MYRFL: variants seen among roughly 807,000 people sequenced by gnomAD.
MYRFL encodes the protein myelin regulatory factor-like protein.
In MYRFL, 88 loss-of-function variants were observed where a neutral mutation model predicts 109.4. The observed-to-expected ratio is 0.80, with a 90% CI of 0.68 to 0.96. The LOEUF (loss-of-function observed/expected upper bound fraction) is 0.96. Ranked by LOEUF, MYRFL falls within the 40% of genes least tolerant of loss-of-function variation. The probability of loss-of-function intolerance (pLI) is 0.00; values close to 1 mark genes in which losing one functional copy is unlikely to be tolerated. For synonymous variants in MYRFL, 324 were observed against 320.9 expected, an observed-to-expected ratio of 1.01 and a Z score of -0.10; for missense variants, 957 against 954.9, an observed-to-expected ratio of 1.00 and a Z score of -0.03.
At chr12:69,937,982 AT>A (rs140168041) in intron 19 of MYRFL, among the ~76,000 whole-genome samples, 17,544 of 151,738 alleles carry the variant, frequency 0.12, 1,259 homozygotes, top group Non-Finnish European at 0.16. Context: ...TATTATCCCA[AT>A]TTTTTTTTCC....
chr12:69,919,178 T>C lies in MYRFL; in HGVS notation c.1603-7393T>C, dbSNP rs1954832095. On this transcript the variant is annotated intron_variant, in intron 13 of 24. Transcript: ENST00000552032. ...TGAGGTGCCTGTGTCAGGTACTGAG[T>C]TGGCCCTGAGGAGTCACAAGAGAAA... Among the ~76,000 whole-genome samples the C allele has an allele frequency of 1.3e-5, 2 of 152,174 alleles. 1 individual carries two copies. The highest frequency in any genetic ancestry group is 1.3e-4 in the Admixed American group (2 of 15,264).
At chr12:69,956,739 A>C (rs1956106106) in intron 22 of MYRFL, among the ~76,000 whole-genome samples, 1 of 151,958 alleles carries the variant, frequency 6.6e-6, no homozygotes, top group African/African-American at 2.4e-5. Context: ...AACCAATGTC[A>C]CTCAACCCAA....
At chr12:69,952,697 C>T in intron 20 of MYRFL, 102 bp from the exon 21 acceptor site, 1 of 800,524 alleles carries the variant, frequency 1.2e-6, no homozygotes, top group Non-Finnish European at 1.9e-6. Flanking sequence ...ACCTGGGAAA[C>T]TCTTACTTCC....
chr12:69,947,900 A>C (rs566862590), intron 19 of MYRFL, among the ~76,000 whole-genome samples: 1 of 152,312 alleles, frequency 6.6e-6, no homozygotes, highest in Admixed American at 6.5e-5. Flanking sequence ...AAGTAGTGCA[A>C]TATACACCTT....
At chr12:69,827,079 C>T (rs1037150248) in intron 1 of MYRFL, among the ~76,000 whole-genome samples, 6 of 151,972 alleles carry the variant, frequency 3.9e-5, no homozygotes, top group African/African-American at 1.4e-4. Context: ...TGAGAAGAAC[C>T]AGTTGTTTCA....
chr12:69,826,398 T>G (rs1364125140), intron 1 of MYRFL, among the ~76,000 whole-genome samples: 2 of 152,136 alleles, frequency 1.3e-5, no homozygotes, highest in African/African-American at 4.8e-5. Flanking sequence ...TGTTATTGCC[T>G]GATTTTATAT....
chr12:69,890,862 C>A, intron 6 of MYRFL, 109 bp from the exon 7 acceptor site: 2 of 738,814 alleles, frequency 2.7e-6, no homozygotes, highest in South Asian at 5.9e-5. Context: ...TAGCAAAAGG[C>A]ACTTTTCACA....
chr12:69,911,938 G>A (rs962189857), intron 13 of MYRFL, among the ~76,000 whole-genome samples: 5 of 152,176 alleles, frequency 3.3e-5, no homozygotes, highest in African/African-American at 1.2e-4. Context: ...ATGGAGTGAG[G>A]CCAGAGATCC....
intron 2 of MYRFL, among the ~76,000 whole-genome samples, chr12:69,864,941 T>G (rs911111276): frequency 6.6e-6 from 1 of 152,226 alleles, no homozygotes; most frequent in African/African-American, 2.4e-5. Flanking sequence ...TTCCGCTGAT[T>G]CCACCTGGGT....
Position 69,866,151 on chromosome 12 carries a change from T to C in MYRFL, c.137+10781T>C, listed in dbSNP as rs148337205. Among the ~76,000 whole-genome samples, 102 of 152,226 alleles carry C rather than the reference T, an allele frequency of 6.7e-4. No individual in the cohort carries two copies. In the South Asian group the frequency reaches 1.0e-2, roughly 15 times the overall value. ...AATTGATATTTTAAAGGAATGTGAA[T>C]CTCAGGGAAATACATGAAATGTGTC... On this transcript the variant is annotated intron_variant, in intron 2 of 24. Coordinates refer to ENST00000552032, the MANE Select transcript of MYRFL (RefSeq NM_182530.3).
In MYRFL at chr12:69,855,272, C is replaced by T. The variant is rs1042521522; in HGVS notation, c.47-8C>T. ...ATGTTTCTCAAGATTTTCAATTTGC[C>T]TTTGCAGCTCAGGGAGCCAATGGTA... On this transcript the variant is annotated splice_region_variant and splice_polypyrimidine_tract_variant and intron_variant, in intron 1 of 24. Transcript: ENST00000552032. 14 of 699,068 alleles carry T rather than the reference C, an allele frequency of 2.0e-5. No homozygotes were observed. The highest frequency in any genetic ancestry group is 1.2e-4 in the African/African-American group (7 of 56,990). The allele number at this position is 699,068 out of a possible 1,614,324, so 43.3% of individuals were successfully genotyped here. A position where few individuals can be genotyped will look rare whatever the true frequency, so the allele number is the denominator to read the frequency against.
intron 2 of MYRFL, among the ~76,000 whole-genome samples, chr12:69,878,280 T>C (rs1456323395): frequency 6.8e-6 from 1 of 147,882 alleles, no homozygotes; most frequent in South Asian, 2.2e-4. Context: ...CTTCAATATA[T>C]AAAACAGAAA....
At chr12:69,948,128 A>T (rs1189477306) in intron 19 of MYRFL, among the ~76,000 whole-genome samples, 13 of 152,182 alleles carry the variant, frequency 8.5e-5, no homozygotes, top group Non-Finnish European at 1.6e-4. Flanking sequence ...TGCTGAAAGT[A>T]TGACTTTATG....
intron 10 of MYRFL, among the ~76,000 whole-genome samples, chr12:69,898,509 C>T (rs1954078142): frequency 6.6e-6 from 1 of 152,336 alleles, no homozygotes; most frequent in African/African-American, 2.4e-5. Flanking sequence ...GGTGCCTGTC[C>T]ATCCCTCTGC....
intron 2 of MYRFL, among the ~76,000 whole-genome samples, chr12:69,862,732 A>G (rs1160429123): frequency 6.6e-6 from 1 of 152,018 alleles, no homozygotes; most frequent in Non-Finnish European, 1.5e-5. Context: ...CTAATTGAAT[A>G]CCCTTTATTT....
intron 13 of MYRFL, among the ~76,000 whole-genome samples, chr12:69,917,553 C>T (rs1592827381): frequency 6.6e-6 from 1 of 151,980 alleles, no homozygotes; most frequent in Admixed American, 6.6e-5. Context: ...TTCTGTGATG[C>T]CTTGGTTGAT....
intron 2 of MYRFL, among the ~76,000 whole-genome samples, chr12:69,877,953 A>T (rs1885790877): frequency 6.6e-6 from 1 of 152,074 alleles, no homozygotes; most frequent in Non-Finnish European, 1.5e-5. Flanking sequence ...TAAAAATAAA[A>T]TTTTACTGGC....
chr12:69,936,199 G>A lies in MYRFL; in HGVS notation c.1991+12G>A, dbSNP rs909248448. 12 of 1,491,476 alleles carry A rather than the reference G, an allele frequency of 8.0e-6. No homozygotes were observed. Among genetic ancestry groups the A allele is most frequent in the East Asian group, 2.7e-5 (1 of 37,492 alleles). The allele number at this position is 1,491,476 out of a possible 1,614,324, so 92.4% of individuals were successfully genotyped here. Reference sequence around the variant, plus strand: ...AATCTCCCTCCAAGGTGAGAGTTCAGTTCAATTTTCTGGCCTAAAATTCCT... The same window carrying A: ...AATCTCCCTCCAAGGTGAGAGTTCAATTCAATTTTCTGGCCTAAAATTCCT... On this transcript the variant is annotated intron_variant, in intron 17 of 24. Transcript: ENST00000552032.
At chr12:69,881,704 G>A (rs139149753) in intron 5 of MYRFL, among the ~76,000 whole-genome samples, 1 of 152,246 alleles carries the variant, frequency 6.6e-6, no homozygotes, top group East Asian at 1.9e-4. Context: ...ACCTCAAACT[G>A]CCTCCTTTCT....
Sources: gnomAD v4.1 joint callset for allele counts (sites outside exome capture counted in the v4.1 genomes callset) on GRCh38, gnomAD v4.1.1 for gene constraint, MANE v1.5 for transcripts, NCBI Gene and HGNC (gene_info 2026-07-23, HGNC 2026-07-21) for gene names.